MOK: variants seen among roughly 807,000 people sequenced by gnomAD.
MOK encodes MOK protein kinase.
MOK carries 59 observed loss-of-function variants against 54.2 expected under a neutral mutation model. The observed-to-expected ratio is 1.09, with a 90% CI of 0.88 to 1.35. The LOEUF is 1.35. Among genes scored for constraint, MOK ranks in the 40% most tolerant of loss-of-function variants. The pLI is 0.00. For missense variants in MOK, 517 were observed against 526.2 expected (o/e 0.98, Z 0.17); for synonymous variants, 210 against 202.7 (o/e 1.04, Z -0.31).
intron 1 of MOK, among the ~76,000 whole-genome samples, chr14:102,292,797 A>T (rs1455440409): frequency 6.6e-6 from 1 of 152,174 alleles, no homozygotes; most frequent in African/African-American, 2.4e-5. Context: ...TTATTTTAGT[A>T]TTAAAACCAT....
intron 1 of MOK, among the ~76,000 whole-genome samples, chr14:102,303,422 G>A (rs544720863): frequency 2.0e-5 from 3 of 152,114 alleles, no homozygotes; most frequent in Admixed American, 6.6e-5. Context: ...TTGGCCTACA[G>A]AGGACAGCCA....
At chr14:102,295,813 T>C (rs1178417476) in intron 1 of MOK, among the ~76,000 whole-genome samples, 1 of 152,234 alleles carries the variant, frequency 6.6e-6, no homozygotes, top group Non-Finnish European at 1.5e-5. Context: ...GTAAGTCCAC[T>C]GTTAATAAAC....
intron 7 of MOK, chr14:102,234,082 C>T: frequency 3.4e-6 from 1 of 295,014 alleles, no homozygotes; most frequent in Non-Finnish European, 6.3e-6. Flanking sequence ...GCTGCTTCCT[C>T]TGACTGTTAA....
In MOK at chr14:102,305,144, C is replaced by G; in HGVS notation, c.-176G>C. 1.3e-6 allele frequency: 1 copy of G among 755,784 alleles called. No homozygotes were observed. The highest frequency in any genetic ancestry group is 2.3e-6 in the Non-Finnish European group (1 of 444,004). 46.8% of individuals were successfully genotyped at this position (755,784 alleles called of 1,614,324 possible). On this transcript the variant is annotated 5_prime_UTR_variant, in exon 1 of 12. Coordinates refer to ENST00000361847, the MANE Select transcript of MOK (RefSeq NM_014226.3). ...CCGCCGCCATGTTGTGTCCCTGTCA[C>G]CCTAGCAACCGTCAGGCCCTGAACG... is the stretch of plus-strand genomic sequence containing the variant.
chr14:102,275,854 A>G (rs1840353366), intron 2 of MOK, among the ~76,000 whole-genome samples: 2 of 152,186 alleles, frequency 1.3e-5, no homozygotes, highest in Admixed American at 6.5e-5. Context: ...TTCTATACAG[A>G]ATATATAAAG....
chr14:102,275,472 G>A (rs1013132155), intron 2 of MOK, among the ~76,000 whole-genome samples: 2 of 150,920 alleles, frequency 1.3e-5, no homozygotes, highest in African/African-American at 4.9e-5. Context: ...GCTGAGGCAG[G>A]AGAATGGAGT....
downstream of MOK, chr14:102,222,743 C>A: frequency 6.9e-7 from 1 of 1,447,052 alleles, no homozygotes; most frequent in Non-Finnish European, 9.7e-7. This position sits in a 1 kb window ranked among gnomAD's most constrained non-coding sequence, Gnocchi z 4.4. Flanking sequence ...CAGTTTTGAC[C>A]ACGTGGAGCT....
At chr14:102,292,589 T>A (rs2070885258) in intron 1 of MOK, among the ~76,000 whole-genome samples, 1 of 152,158 alleles carries the variant, frequency 6.6e-6, no homozygotes, top group Non-Finnish European at 1.5e-5. Flanking sequence ...CCTGGGAAGC[T>A]TTCAAGCAGA....
chr14:102,247,673 C>T (rs868024171), intron 7 of MOK, among the ~76,000 whole-genome samples: 12 of 152,174 alleles, frequency 7.9e-5, no homozygotes, highest in Admixed American at 3.9e-4. Context: ...TTAGCAGCAG[C>T]GCTTCTTCAA....
At chr14:102,292,259 G>A (rs1461724810) in intron 1 of MOK, among the ~76,000 whole-genome samples, 1 of 151,678 alleles carries the variant, frequency 6.6e-6, no homozygotes, top group Non-Finnish European at 1.5e-5. Flanking sequence ...GGATCACAAG[G>A]TCAGGAGATC....
chr14:102,248,434 A>G (rs2066264814), intron 7 of MOK, among the ~76,000 whole-genome samples: 1 of 151,984 alleles, frequency 6.6e-6, no homozygotes, highest in African/African-American at 2.4e-5. Context: ...CTCTTCATCT[A>G]GTTGCTACCA....
intron 1 of MOK, among the ~76,000 whole-genome samples, chr14:102,288,796 G>A (rs538083246): frequency 6.6e-6 from 1 of 152,324 alleles, no homozygotes; most frequent in African/African-American, 2.4e-5. Context: ...ATGGGCTGAA[G>A]GGGACACCCA....
intron 2 of MOK, chr14:102,283,211 AG>A: frequency 3.4e-6 from 1 of 297,118 alleles, no homozygotes; most frequent in Non-Finnish European, 6.1e-6. Flanking sequence ...TATAACTTTT[AG>A]GAACATACAG....
At chr14:102,268,884 C>T (rs1343112964) in intron 2 of MOK, among the ~76,000 whole-genome samples, 1 of 148,730 alleles carries the variant, frequency 6.7e-6, no homozygotes, top group Non-Finnish European at 1.5e-5. Context: ...CACTGCACTC[C>T]AGCCTGGGCG....
intron 2 of MOK, among the ~76,000 whole-genome samples, chr14:102,267,678 A>G (rs768792695): frequency 6.6e-6 from 1 of 152,232 alleles, no homozygotes; most frequent in Non-Finnish European, 1.5e-5. Flanking sequence ...TGAAGAGCCT[A>G]AGAATATTTT....
chr14:102,258,583 G>C lies in MOK; in HGVS notation c.283+4963C>G, dbSNP rs558107604. The stretch of plus-strand genomic sequence containing the variant: ...GTCCCTGCCTCTGGAATAGCCCATG[G>C]CATGTCACTGCAAATGGGACATCCT... On this transcript the variant is annotated intron_variant, in intron 4 of 11. Coordinates refer to ENST00000361847, the MANE Select transcript of MOK (RefSeq NM_014226.3). 2.3e-3 allele frequency among the ~76,000 whole-genome samples: 344 copies of C among 152,234 alleles called. 1 individual carries two copies. Among genetic ancestry groups the C allele is most frequent in the African/African-American group, 6.5e-3 (271 of 41,528 alleles).
intron 2 of MOK, among the ~76,000 whole-genome samples, chr14:102,275,612 T>A (rs1488798590): frequency 6.7e-6 from 1 of 148,592 alleles, no homozygotes; most frequent in Non-Finnish European, 1.5e-5. Flanking sequence ...TGTAAAAAGT[T>A]AAAATGATAA....
chr14:102,265,700 G>T, intron 3 of MOK, 123 bp downstream of exon 3: 1 of 695,026 alleles, frequency 1.4e-6, no homozygotes, highest in Non-Finnish European at 2.4e-6. Flanking sequence ...GTAAGATGAA[G>T]TAAAAATGGT....
At chr14:102,242,283 T>C (rs1283671925) in intron 7 of MOK, among the ~76,000 whole-genome samples, 3 of 152,304 alleles carry the variant, frequency 2.0e-5, no homozygotes, top group Admixed American at 6.5e-5. Context: ...TCTAAACCTT[T>C]TAAAACTCCC....
Sources: allele counts gnomAD v4.1 joint callset (sites outside exome capture counted in the v4.1 genomes callset), GRCh38; gene constraint gnomAD v4.1.1; non-coding constraint Gnocchi (gnomAD v3.1); transcripts MANE v1.5; gene names NCBI Gene and HGNC (gene_info 2026-07-23, HGNC 2026-07-21).